The following SLC2A7 variants were observed in gnomAD, a reference collection of about 807,000 sequenced individuals.
The protein encoded by SLC2A7 is solute carrier family 2, facilitated glucose transporter member 7.
A neutral mutation model predicts 50.5 loss-of-function variants in SLC2A7; 50 were observed. The observed-to-expected ratio is 0.99, with a 90% CI of 0.79 to 1.25. The LOEUF (loss-of-function observed/expected upper bound fraction) is 1.25, where lower values mean the gene tolerates loss of function less well. Among genes scored for constraint, SLC2A7 ranks in the 50% most tolerant of loss-of-function variants. SLC2A7 has a pLI of 0.00. For missense variants in SLC2A7, 683 were observed against 679.1 expected (o/e 1.01, Z -0.06); for synonymous variants, 308 against 300.4 (o/e 1.03, Z -0.26).
At chr1:9,015,971 T>G (rs1640824819) in intron 5 of SLC2A7, among the ~76,000 whole-genome samples, 1 of 151,832 alleles carries the variant, frequency 6.6e-6, no homozygotes, top group South Asian at 2.1e-4. Flanking sequence ...GCTCAAATGA[T>G]CCTCCTGCCT....
At chr1:9,016,405 G>A (rs530419561) in intron 5 of SLC2A7, among the ~76,000 whole-genome samples, 6 of 152,298 alleles carry the variant, frequency 3.9e-5, no homozygotes, top group African/African-American at 1.4e-4. Context: ...AGGAGTTACA[G>A]ATCAGCCTGG....
the SLC2A7 span, among the ~76,000 whole-genome samples, chr1:8,997,731 G>C: frequency 1.3e-5 from 2 of 152,094 alleles, no homozygotes; most frequent in Non-Finnish European, 2.9e-5. Context: ...TGTACATTTT[G>C]TACATCTAGA....
the SLC2A7 span, among the ~76,000 whole-genome samples, chr1:8,997,668 G>T: frequency 4.6e-5 from 7 of 152,274 alleles, 2 homozygotes; most frequent in African/African-American, 1.7e-4. Flanking sequence ...AAAGTGCTAG[G>T]ATTACAGGCA....
chr1:9,017,496 G>C (rs1256445864), intron 5 of SLC2A7, among the ~76,000 whole-genome samples: 1 of 152,168 alleles, frequency 6.6e-6, no homozygotes, highest in East Asian at 1.9e-4. Flanking sequence ...CAGGCCTCGC[G>C]GGGTCTCCCC....
At position 9,003,494 on chromosome 1, in the gene SLC2A7, T is replaced by C; in HGVS notation, c.1345A>G (p.Ile449Val). The C allele has an allele frequency of 5.6e-6, 9 of 1,614,166 alleles. No individual in the cohort carries two copies. Among genetic ancestry groups the C allele is most frequent in the Non-Finnish European group, 7.6e-6 (9 of 1,180,022 alleles). ...IQEAIGAYSF[I>V]IFAGICLLTA... ...AGGAGGCAGATTCCGGCAAAGATGA[T>C]GAAACTGTAGGCACCGATGGCCTCC... Residue 449 changes from isoleucine (I) to valine (V), a missense_variant, in exon 12 of 12, where the codon ATC becomes GTC. Transcript: ENST00000400906.
At chr1:9,020,852 C>T (rs1640903335) in intron 3 of SLC2A7, among the ~76,000 whole-genome samples, 2 of 151,902 alleles carry the variant, frequency 1.3e-5, no homozygotes, top group South Asian at 2.1e-4. Flanking sequence ...GTGCTGTTCT[C>T]GTGATAGTGA....
At chr1:9,024,839 G>T in intron 2 of SLC2A7, 137 bp downstream of exon 2, 1 of 902,546 alleles carries the variant, frequency 1.1e-6, no homozygotes, top group Non-Finnish European at 1.7e-6. Context: ...ACTAGGGCAA[G>T]CTGGCTGCTC....
At chr1:9,021,844 CA>C (rs1569808405) in intron 3 of SLC2A7, among the ~76,000 whole-genome samples, 2 of 152,168 alleles carry the variant, frequency 1.3e-5, no homozygotes, top group African/African-American at 4.8e-5. Flanking sequence ...TTCCTGGACT[CA>C]GGCTCTTCAT....
At chr1:9,015,867 G>A (rs1442243008) in intron 5 of SLC2A7, among the ~76,000 whole-genome samples, 4 of 151,030 alleles carry the variant, frequency 2.6e-5, no homozygotes, top group South Asian at 2.1e-4. Context: ...GGAACTACAC[G>A]CGTGCATTAC....
intron 3 of SLC2A7, among the ~76,000 whole-genome samples, chr1:9,021,445 C>A (rs1464150533): frequency 6.6e-6 from 1 of 152,176 alleles, no homozygotes; most frequent in African/African-American, 2.4e-5. Flanking sequence ...ACTTTGCACA[C>A]ATCTTTGAGG....
At chr1:9,006,536 G>A (rs977321780) in intron 10 of SLC2A7, among the ~76,000 whole-genome samples, 3 of 152,186 alleles carry the variant, frequency 2.0e-5, no homozygotes, top group Non-Finnish European at 4.4e-5. Flanking sequence ...ACAGGCATGA[G>A]CCACCATGCC....
In SLC2A7 at chr1:9,022,982, T is replaced by C. The variant is rs774255939; in HGVS notation, c.247A>G (p.Met83Val). 5 of 1,613,988 alleles carry C rather than the reference T, an allele frequency of 3.1e-6. No individual in the cohort carries two copies. In the African/African-American group the frequency reaches 4.0e-5, roughly 13 times the overall value. The change falls in exon 3 of 12, where the codon ATG becomes GTG. Residue 83 changes from methionine to valine, a missense_variant. Coordinates refer to ENST00000400906, the MANE Select transcript of SLC2A7 (RefSeq NM_207420.3). The part of the protein sequence containing the change: ...MLLLWSCTVS[M>V]FPLGGLLGSL... ...CCCAACAGGCCGCCCAGAGGAAACATGGAGACGGTGCAAGACCATAGAAGC... is the reference window on the plus strand; with the variant it reads ...CCCAACAGGCCGCCCAGAGGAAACACGGAGACGGTGCAAGACCATAGAAGC...
intron 8 of SLC2A7, among the ~76,000 whole-genome samples, chr1:9,011,738 T>C (rs1412309608): frequency 1.4e-5 from 2 of 144,052 alleles, no homozygotes; most frequent in Non-Finnish European, 3.0e-5. Flanking sequence ...CTACTTCTTC[T>C]TCTTCTTCTT....
downstream of SLC2A7, among the ~76,000 whole-genome samples, chr1:9,000,320 C>T (rs1457568884): frequency 6.6e-6 from 1 of 151,764 alleles, no homozygotes; most frequent in African/African-American, 2.4e-5. Context: ...GACCCTGTCT[C>T]TAAAAGGGGT....
At chr1:8,998,024 T>C (rs546233588), downstream of SLC2A7, among the ~76,000 whole-genome samples, 1 of 152,288 alleles carries the variant, frequency 6.6e-6, no homozygotes, top group East Asian at 1.9e-4. Flanking sequence ...GGAATCAGAG[T>C]TGATTTTTTT....
downstream of SLC2A7, among the ~76,000 whole-genome samples, chr1:8,998,210 C>A (rs1640532766): frequency 6.6e-6 from 1 of 152,072 alleles, no homozygotes; most frequent in African/African-American, 2.4e-5. Flanking sequence ...TCAAGACCAT[C>A]CTGGCTAACA....
At chr1:9,006,675 G>C (rs145839371) in intron 10 of SLC2A7, among the ~76,000 whole-genome samples, 3 of 152,286 alleles carry the variant, frequency 2.0e-5, no homozygotes, top group Admixed American at 6.5e-5. Context: ...CTTCATTTTG[G>C]TTTATGGACA....
chr1:9,012,007 C>T (rs1485406647), intron 8 of SLC2A7, among the ~76,000 whole-genome samples: 1 of 152,138 alleles, frequency 6.6e-6, no homozygotes, highest in Non-Finnish European at 1.5e-5. Flanking sequence ...GCCTCAACCT[C>T]CCAAAGTGCA....
chr1:9,011,631 T>TG (rs1287667439), intron 8 of SLC2A7, among the ~76,000 whole-genome samples: 2 of 152,136 alleles, frequency 1.3e-5, no homozygotes, highest in East Asian at 3.9e-4. Flanking sequence ...TTCCACCTGA[T>TG]GGACTGACCC....
Sources: gnomAD v4.1 joint callset for allele counts (sites outside exome capture counted in the v4.1 genomes callset) on GRCh38, gnomAD v4.1.1 for gene constraint, MANE v1.5 for transcripts, NCBI Gene and HGNC (gene_info 2026-07-23, HGNC 2026-07-21) for gene names.